The following IMPG2 variants were observed in gnomAD, a reference collection of about 807,000 sequenced individuals.
IMPG2 encodes the protein IPM 200.
A neutral mutation model predicts 129.2 loss-of-function variants in IMPG2; 91 were observed. The observed-to-expected ratio is 0.70, with a 90% CI of 0.59 to 0.84. The LOEUF is 0.84. Among genes scored for constraint, IMPG2 ranks in the 40% least tolerant of loss-of-function variants. The pLI, the probability that IMPG2 is intolerant of heterozygous loss-of-function variation, is 0.00. For missense variants in IMPG2, 1,430 were observed against 1,461.7 expected (o/e 0.98, Z 0.35); for synonymous variants, 510 against 517.7 (o/e 0.99, Z 0.20).
intron 4 of IMPG2, among the ~76,000 whole-genome samples, chr3:101,279,723 C>T (rs1706873818): frequency 6.6e-6 from 1 of 152,210 alleles, no homozygotes; most frequent in Non-Finnish European, 1.5e-5. Flanking sequence ...CAAATTTACG[C>T]TAATTCTCTA....
At chr3:101,297,963 T>C (rs1040926236) in intron 3 of IMPG2, among the ~76,000 whole-genome samples, 1 of 152,246 alleles carries the variant, frequency 6.6e-6, no homozygotes, top group Non-Finnish European at 1.5e-5. Context: ...TTGTTAATTT[T>C]CTGTCTTGTT....
chr3:101,300,828 AG>A (rs1707132589), intron 3 of IMPG2, among the ~76,000 whole-genome samples: 1 of 152,234 alleles, frequency 6.6e-6, no homozygotes, highest in African/African-American at 2.4e-5. Context: ...ATTTCTTTCA[AG>A]AACTTTTCCT....
chr3:101,316,531 G>A (rs1466131913), intron 2 of IMPG2, among the ~76,000 whole-genome samples: 2 of 151,912 alleles, frequency 1.3e-5, no homozygotes, highest in Non-Finnish European at 2.9e-5. Context: ...GTCATAAGTG[G>A]TTAGGAAAAT....
At chr3:101,253,329 T>TG (rs1278884144) in intron 11 of IMPG2, among the ~76,000 whole-genome samples, 1 of 152,142 alleles carries the variant, frequency 6.6e-6, no homozygotes, top group African/African-American at 2.4e-5. Flanking sequence ...AAATCTACGC[T>TG]CTATACCTAG....
At chr3:101,272,118 CACAT>C (rs1199673594) in intron 7 of IMPG2, among the ~76,000 whole-genome samples, 19 of 151,288 alleles carry the variant, frequency 1.3e-4, no homozygotes, top group African/African-American at 4.4e-4. Context: ...CACACACACA[CACAT>C]ACACACACAC....
In IMPG2 at chr3:101,257,777, T is replaced by C. The variant is rs1316515072; in HGVS notation, c.909-4A>G. The C allele has an allele frequency of 5.0e-6, 8 of 1,612,950 alleles. No homozygotes were observed. The highest frequency in any genetic ancestry group is 1.7e-5 in the Admixed American group (1 of 59,858). ...TGCATAGTAAACATCTACGCCACTA[T>C]GGATGGAAAGAGAGAACAGGTTAGG... On this transcript the variant is annotated splice_polypyrimidine_tract_variant and splice_region_variant and intron_variant, in intron 9 of 18. Coordinates refer to ENST00000193391, the MANE Select transcript of IMPG2 (RefSeq NM_016247.4).
In IMPG2 at chr3:101,232,989, C is replaced by T. The variant is rs749718530; in HGVS notation, c.3025G>A (p.Asp1009Asn). ...TGAAACTTGCAAGGGTTGGCTTCAT[C>T]ACCTAAAACATTAAACAAAGAATAA... ...DKYSLDVESG[D>N]EANPCKFQAC... Residue 1009 changes from aspartate (D) to asparagine (N), a missense_variant and splice_region_variant, in exon 15 of 19, where the codon GAT becomes AAT. Asp to Asn is a conservative substitution (Grantham distance 23, BLOSUM62 1). Coordinates refer to ENST00000193391, the MANE Select transcript of IMPG2 (RefSeq NM_016247.4). The T allele has an allele frequency of 6.2e-7, 1 of 1,613,948 alleles. No individual in the cohort carries two copies. Among genetic ancestry groups the T allele is most frequent in the Non-Finnish European group, 8.5e-7 (1 of 1,179,900 alleles).
chr3:101,318,218 G>A (rs1057348082), intron 2 of IMPG2, among the ~76,000 whole-genome samples: 1 of 150,114 alleles, frequency 6.7e-6, no homozygotes, highest in African/African-American at 2.4e-5. Flanking sequence ...GGTAGAAATC[G>A]AATCTTGATA....
At chr3:101,286,083 C>A (rs1706943106) in intron 4 of IMPG2, among the ~76,000 whole-genome samples, 1 of 151,968 alleles carries the variant, frequency 6.6e-6, no homozygotes, top group Non-Finnish European at 1.5e-5. Flanking sequence ...ATTCTCTACG[C>A]CATAATTTCC....
intron 18 of IMPG2, 59 bp from the exon 19 acceptor site, chr3:101,227,040 C>A: frequency 6.6e-7 from 1 of 1,510,232 alleles, no homozygotes; most frequent in Non-Finnish European, 9.2e-7. Flanking sequence ...TAATAAAATG[C>A]AATTACTGTC....
rs765946370 is a variant in IMPG2, at chr3:101,242,905, C to T, written c.2805G>A (p.Leu935=). The part of the protein sequence containing the change: ...KALEQRFLEL[L]VPYLQSNLTG... ...TGAGATTTGACTGGAGATAGGGAAC[C>T]AGCTACAATATACAAAAGTGGTAAG... The change falls in exon 14 of 19, where the codon CTG becomes CTA. Residue 935 remains leucine, a splice_region_variant and synonymous_variant. Transcript: ENST00000193391. The T allele has an allele frequency of 6.2e-7, 1 of 1,612,576 alleles. No homozygotes were observed. The highest frequency in any genetic ancestry group is 1.3e-5 in the African/African-American group (1 of 75,000).
intron 2 of IMPG2, among the ~76,000 whole-genome samples, chr3:101,306,376 A>G (rs571883): frequency 0.72 from 109,305 of 152,100 alleles, 40,425 homozygotes; most frequent in East Asian, 0.84. Flanking sequence ...GGGCTAAACC[A>G]AACCTTTCAT....
At chr3:101,312,434 T>C (rs1291669871) in intron 2 of IMPG2, among the ~76,000 whole-genome samples, 2 of 152,078 alleles carry the variant, frequency 1.3e-5, no homozygotes, top group African/African-American at 4.8e-5. Flanking sequence ...ACGTTATTAA[T>C]CATTAGGGAA....
In IMPG2 at chr3:101,226,597, T is replaced by G. The variant is rs764107922; in HGVS notation, c.*372A>C. 13 of 204,014 alleles carry G rather than the reference T, an allele frequency of 6.4e-5. No individual in the cohort carries two copies. The highest frequency in any genetic ancestry group is 1.1e-4 in the Non-Finnish European group (11 of 102,048). 12.6% of individuals were successfully genotyped at this position (204,014 alleles called of 1,614,324 possible). A position where few individuals can be genotyped will look rare whatever the true frequency, so the allele number is the denominator to read the frequency against. ...AGCCAGACTTCTCCATGGAAGAGTC[T>G]CACCTTATTTTCCTATTGAAAAACC... On this transcript the variant is annotated 3_prime_UTR_variant, in exon 19 of 19. Transcript: ENST00000193391.
In IMPG2 at chr3:101,246,024, G is replaced by T; in HGVS notation, c.1321C>A (p.Pro441Thr). 1 of 1,614,154 alleles carries T rather than the reference G, an allele frequency of 6.2e-7. No individual in the cohort carries two copies. The highest frequency in any genetic ancestry group is 1.1e-5 in the South Asian group (1 of 91,084). The change falls in exon 12 of 19, where the codon CCT (proline) becomes ACT (threonine). Residue 441 changes from proline (P) to threonine (T), a missense_variant. Transcript: ENST00000193391. Reference sequence around the variant, plus strand: ...AGTTCCCTGCCAGTGGCTGAGGGAGGACCAGAGCTGAAATCAAGTGGTGGA... The same window carrying T: ...AGTTCCCTGCCAGTGGCTGAGGGAGTACCAGAGCTGAAATCAAGTGGTGGA... ...SIPPLDFSSG[P>T]PSATGRELWS... is the part of the protein sequence containing the mutation.
In IMPG2 at chr3:101,253,698, G is replaced by C; in HGVS notation, c.1237C>G (p.Leu413Val). Residue 413 changes from leucine (L) to valine (V), a missense_variant and splice_region_variant, in exon 11 of 19, where the codon CTG (leucine) becomes GTG (valine). Coordinates refer to ENST00000193391, the MANE Select transcript of IMPG2 (RefSeq NM_016247.4). Reference sequence around the variant, plus strand: ...TAGCATAAAACATAAAAACATACCAGAATAGATGACGGCGTTGCCTGAAGA... The same window carrying C: ...TAGCATAAAACATAAAAACATACCACAATAGATGACGGCGTTGCCTGAAGA... ...SSLQATPSSILDNTFQAAWPS... is the reference protein window; with the variant it reads ...SSLQATPSSIVDNTFQAAWPS... 6.2e-7 allele frequency: 1 copy of C among 1,608,750 alleles called. No homozygotes were observed. Among genetic ancestry groups the C allele is most frequent in the Non-Finnish European group, 8.5e-7 (1 of 1,176,298 alleles).
intron 9 of IMPG2, among the ~76,000 whole-genome samples, chr3:101,265,275 A>G (rs1447350986): frequency 6.6e-6 from 1 of 152,094 alleles, no homozygotes; most frequent in Non-Finnish European, 1.5e-5. Context: ...GATGATATAT[A>G]TCATACTACT....
chr3:101,270,775 G>A (rs978677492), intron 7 of IMPG2, among the ~76,000 whole-genome samples: 1 of 152,082 alleles, frequency 6.6e-6, no homozygotes, highest in Admixed American at 6.5e-5. Context: ...ACTCCAGCCT[G>A]GGCGACATAC....
At position 101,318,149 on chromosome 3, in the gene IMPG2, AAATAATAATAATAATAAT is replaced by A. The variant is rs138777161; in HGVS notation, c.334+1417_334+1434del. On this transcript the variant is annotated intron_variant, in intron 2 of 18. Coordinates refer to ENST00000193391, the MANE Select transcript of IMPG2 (RefSeq NM_016247.4). ...TGAGTATGTCCCAAAAAATAGTAAT[AAATAATAATAATAATAAT>A]AATAATAATAATAATAATAATATAA... Among the ~76,000 whole-genome samples, 345 of 144,172 alleles carry A rather than the reference AAATAATAATAATAATAAT, an allele frequency of 2.4e-3. 3 individuals are homozygous for A. The highest frequency in any genetic ancestry group is 4.1e-3 in the African/African-American group (161 of 39,486). 94.6% of individuals were successfully genotyped at this position (144,172 alleles called of 152,430 possible). A position where few individuals can be genotyped will look rare whatever the true frequency, so the allele number is the denominator to read the frequency against.
Sources: gnomAD v4.1 joint callset for allele counts (sites outside exome capture counted in the v4.1 genomes callset) on GRCh38, gnomAD v4.1.1 for gene constraint, MANE v1.5 for transcripts, NCBI Gene and HGNC (gene_info 2026-07-23, HGNC 2026-07-21) for gene names.